PCNA: variants seen among roughly 807,000 people sequenced by gnomAD.
PCNA encodes DNA sliding clamp PCNA.
In PCNA, 4 loss-of-function variants were observed where a neutral mutation model predicts 27.8. That is an observed-to-expected ratio of 0.14 (90% confidence interval 0.07 to 0.33). The LOEUF is 0.33. Ranked by LOEUF, PCNA falls within the 10% of genes least tolerant of loss-of-function variation. The probability of loss-of-function intolerance (pLI) is 1.00; values close to 1 mark genes in which losing one functional copy is unlikely to be tolerated. For missense variants in PCNA, 165 were observed against 327.4 expected, an observed-to-expected ratio of 0.50 and a Z score of 3.83; for synonymous variants, 121 against 119.4, an observed-to-expected ratio of 1.01 and a Z score of -0.09.
chr20:5,123,732 CTAAATTCTAGA>C (rs966895090), upstream of PCNA, among the ~76,000 whole-genome samples: 8 of 151,164 alleles, frequency 5.3e-5, no homozygotes. Context: ...TAATTATTCA[CTAAATTCTAGA>C]TAAAGAATTC....
At position 5,119,844 on chromosome 20, in the gene PCNA, G is replaced by T. The variant is rs371098995; in HGVS notation, c.-46C>A. On this transcript the variant is annotated 5_prime_UTR_variant, in exon 1 of 6. Coordinates refer to ENST00000379143, the MANE Select transcript of PCNA (RefSeq NM_182649.2). ...GCCGCTACAGGCAGGCGGGAAGGAG[G>T]AAAGTCTAGCTGGTTTCGGCTTCAG... 4 of 1,472,986 alleles carry T rather than the reference G, an allele frequency of 2.7e-6. No individual in the cohort carries two copies. The highest frequency in any genetic ancestry group is 2.0e-5 in the Admixed American group (1 of 50,892). 91.2% of individuals were successfully genotyped at this position (1,472,986 alleles called of 1,614,324 possible).
chr20:5,115,863 C>G (rs2090471226), intron 4 of PCNA, among the ~76,000 whole-genome samples: 2 of 152,184 alleles, frequency 1.3e-5, no homozygotes, highest in African/African-American at 4.8e-5. Flanking sequence ...TCTGCAAACT[C>G]TAATTAATGA....
chr20:5,115,217 A>G lies in PCNA; in HGVS notation c.*66T>C. 8.3e-7 allele frequency: 1 copy of G among 1,209,208 alleles called. No homozygotes were observed. Among genetic ancestry groups the G allele is most frequent in the Admixed American group, 1.8e-5 (1 of 56,198 alleles). 74.9% of individuals were successfully genotyped at this position (1,209,208 alleles called of 1,614,324 possible). On this transcript the variant is annotated 3_prime_UTR_variant, in exon 6 of 6. Coordinates refer to ENST00000379143, the MANE Select transcript of PCNA (RefSeq NM_182649.2). ...ATTTGGTGACAGAAAAGACTTCAGT[A>G]TATGCTGGCATCTTAGAAGCAGTTC...
chr20:5,119,449 G>C (rs1453262858), intron 1 of PCNA, 129 bp downstream of exon 1: 1 of 739,962 alleles, frequency 1.4e-6, no homozygotes, highest in Non-Finnish European at 2.2e-6. Context: ...CCACCCCACT[G>C]CGTGGCAGGC....
chr20:5,125,156 A>G (rs932901793), intron 1 of PCNA, among the ~76,000 whole-genome samples: 1 of 152,098 alleles, frequency 6.6e-6, no homozygotes, highest in Non-Finnish European at 1.5e-5. Flanking sequence ...CTAAGCAATA[A>G]AGTGAGACTT....
intron 3 of PCNA, among the ~76,000 whole-genome samples, chr20:5,117,893 G>C (rs957587568): frequency 6.6e-6 from 1 of 152,246 alleles, no homozygotes; most frequent in Non-Finnish European, 1.5e-5. Context: ...CAGGGATAAA[G>C]TAAGAGAACA....
chr20:5,122,300 A>T (rs2090523447), upstream of PCNA, among the ~76,000 whole-genome samples: 1 of 152,172 alleles, frequency 6.6e-6, no homozygotes. Flanking sequence ...TTTTAAAAGA[A>T]CTTTTAGACT....
chr20:5,119,867 C>CAGG lies in PCNA; in HGVS notation c.-72_-70dup. ...AGGAAAGTCTAGCTGGTTTCGGCTT[C>CAGG]AGGAGCCTCAGAGCGAGCGGGCGAA... On this transcript the variant is annotated 5_prime_UTR_variant, in exon 1 of 6. Coordinates refer to ENST00000379143, the MANE Select transcript of PCNA (RefSeq NM_182649.2). The CAGG allele has an allele frequency of 7.8e-7, 1 of 1,277,372 alleles. No individual in the cohort carries two copies. Among genetic ancestry groups the CAGG allele is most frequent in the Non-Finnish European group, 1.1e-6 (1 of 905,554 alleles). 79.1% of individuals were successfully genotyped at this position (1,277,372 alleles called of 1,614,324 possible). A position where few individuals can be genotyped will look rare whatever the true frequency, so the allele number is the denominator to read the frequency against.
Position 5,119,793 on chromosome 20 carries a change from G to A in PCNA, c.6C>T (p.Phe2=), listed in dbSNP as rs2090505565. M[F]EARLVQGSIL... Reference sequence around the variant, plus strand: ...TGGAGCCCTGGACCAGGCGCGCCTCGAACATGGTGGCGGAGTGGCAACAAC... The same window carrying A: ...TGGAGCCCTGGACCAGGCGCGCCTCAAACATGGTGGCGGAGTGGCAACAAC... The change falls in exon 1 of 6, where the codon TTC becomes TTT. Residue 2 remains phenylalanine, a synonymous_variant. Transcript: ENST00000379143. The A allele has an allele frequency of 6.4e-7, 1 of 1,564,158 alleles. No individual in the cohort carries two copies. The highest frequency in any genetic ancestry group is 8.7e-7 in the Non-Finnish European group (1 of 1,154,352).
upstream of PCNA, among the ~76,000 whole-genome samples, chr20:5,124,126 T>C (rs186335862): frequency 6.6e-5 from 10 of 152,306 alleles, no homozygotes; most frequent in East Asian, 1.9e-3. Flanking sequence ...ATAAAAATCA[T>C]GTTAACACCT....
At chr20:5,124,778 C>A (rs1265994481), upstream of PCNA, among the ~76,000 whole-genome samples, 1 of 152,222 alleles carries the variant, frequency 6.6e-6, no homozygotes, top group Non-Finnish European at 1.5e-5. Flanking sequence ...TATACTTGAT[C>A]TGAGTTCCAT....
intron 4 of PCNA, 137 bp from the exon 5 acceptor site, chr20:5,115,709 A>G: frequency 1.6e-6 from 1 of 619,630 alleles, no homozygotes; most frequent in Non-Finnish European, 2.7e-6. Context: ...AGACTGATAC[A>G]TAAAGCAAAA....
intron 1 of PCNA, 25 bp from the exon 2 acceptor site, chr20:5,118,891 T>TAA: frequency 6.7e-7 from 1 of 1,501,368 alleles, no homozygotes; most frequent in Non-Finnish European, 9.3e-7. Context: ...ACACATGCTT[T>TAA]AAAATCAACG....
upstream of PCNA, among the ~76,000 whole-genome samples, chr20:5,120,683 T>A (rs1481067179): frequency 6.6e-6 from 1 of 152,224 alleles, no homozygotes; most frequent in Non-Finnish European, 1.5e-5. Context: ...GTATATAACA[T>A]AATTTATCAA....
rs1397502489 is a variant in PCNA at position 5,115,485 on chromosome 20, T to C, written c.670A>G (p.Thr224Ala). The C allele has an allele frequency of 6.8e-6, 11 of 1,613,938 alleles. No individual in the cohort carries two copies. The highest frequency in any genetic ancestry group is 1.3e-5 in the African/African-American group (1 of 74,942). Reference sequence around the variant, plus strand: ...TCTGCAGACATACTGAGTGTCACCGTTGAAGAGAGTGGAGTGGCTTTTGTA... The same window carrying C: ...TCTGCAGACATACTGAGTGTCACCGCTGAAGAGAGTGGAGTGGCTTTTGTA... ...FFTKATPLSS[T>A]VTLSMSADVP... Residue 224 changes from threonine (T) to alanine (A), a missense_variant, in exon 5 of 6, where the codon ACG becomes GCG. By Grantham distance (58) the Thr-to-Ala change is moderately conservative (BLOSUM62 0). Coordinates refer to ENST00000379143, the MANE Select transcript of PCNA (RefSeq NM_182649.2).
At chr20:5,116,658 T>C (rs1430040900) in intron 4 of PCNA, among the ~76,000 whole-genome samples, 3 of 152,150 alleles carry the variant, frequency 2.0e-5, no homozygotes, top group Admixed American at 2.0e-4. Flanking sequence ...TAGCGAGTTT[T>C]TTTTGTTTGT....
At position 5,115,369 on chromosome 20, in the gene PCNA, G is replaced by A. The variant is rs2090467589; in HGVS notation, c.707-7C>T. On this transcript the variant is annotated splice_polypyrimidine_tract_variant and splice_region_variant and intron_variant, in intron 5 of 5. Coordinates refer to ENST00000379143, the MANE Select transcript of PCNA (RefSeq NM_182649.2). ...GCAATTTTATACTCTACAACTGAAA[G>A]ACAGGAAGATGGTTAATTACTGAGG... 6.2e-7 allele frequency: 1 copy of A among 1,613,626 alleles called. No individual in the cohort carries two copies. Among genetic ancestry groups the A allele is most frequent in the Non-Finnish European group, 8.5e-7 (1 of 1,179,612 alleles).
At position 5,119,952 on chromosome 20, in the gene PCNA, G is replaced by A. The variant is rs1432246762; in HGVS notation, c.-154C>T. 4 of 633,242 alleles carry A rather than the reference G, an allele frequency of 6.3e-6. No homozygotes were observed. Among genetic ancestry groups the A allele is most frequent in the East Asian group, 2.8e-5 (1 of 36,304 alleles). 39.2% of individuals were successfully genotyped at this position (633,242 alleles called of 1,614,324 possible). A position where few individuals can be genotyped will look rare whatever the true frequency, so the allele number is the denominator to read the frequency against. On this transcript the variant is annotated 5_prime_UTR_variant, in exon 1 of 6. It adds an upstream start codon to the 5' untranslated region. Transcript: ENST00000379143. ...CGACCACTCTGCTACGCCTGCAACC[G>A]TTTAATGCCGCCGCGTCCGCAAGCG... is the stretch of plus-strand genomic sequence containing the variant.
chr20:5,118,427 G>A (rs766466113), intron 3 of PCNA, among the ~76,000 whole-genome samples, 183 bp downstream of exon 3: 2 of 152,154 alleles, frequency 1.3e-5, no homozygotes, highest in Admixed American at 1.3e-4. Context: ...AGCCACTTAG[G>A]AGACTAAGGC....
Sources: gnomAD v4.1 joint callset for allele counts (sites outside exome capture counted in the v4.1 genomes callset) on GRCh38, gnomAD v4.1.1 for gene constraint, MANE v1.5 for transcripts, NCBI Gene and HGNC (gene_info 2026-07-23, HGNC 2026-07-21) for gene names.